GALNTL6: variants seen among roughly 807,000 people sequenced by gnomAD.
GALNTL6 encodes the protein polypeptide N-acetylgalactosaminyltransferase like 6, also known as polypeptide N-acetylgalactosaminyltransferase-like 6.
A neutral mutation model predicts 73.7 loss-of-function variants in GALNTL6; 46 were observed. That is an observed-to-expected ratio of 0.62 (90% CI 0.49 to 0.80). GALNTL6 has a LOEUF of 0.80. GALNTL6 is among the 30% of genes least tolerant of loss of function. The pLI, the probability that GALNTL6 is intolerant of heterozygous loss-of-function variation, is 0.00. For missense variants in GALNTL6, 604 were observed against 755.0 expected, an observed-to-expected ratio of 0.80 and a Z score of 2.34; for synonymous variants, 259 against 263.7, an observed-to-expected ratio of 0.98 and a Z score of 0.17.
At chr4:172,557,185 T>C (rs1253918591) in intron 5 of GALNTL6, among the ~76,000 whole-genome samples, 1 of 152,196 alleles carries the variant, frequency 6.6e-6, no homozygotes, top group Admixed American at 6.5e-5. Context: ...GTTCAAGTTC[T>C]GGTCAAGCAA....
At chr4:172,509,845 CT>C (rs1276446171) in intron 5 of GALNTL6, among the ~76,000 whole-genome samples, 1 of 55,406 alleles carries the variant, frequency 1.8e-5, no homozygotes, top group African/African-American at 4.5e-5. Context: ...TGACTATAGC[CT>C]TGTAGTATAG....
Position 172,809,004 on chromosome 4 carries a change from G to A in GALNTL6, c.554-357G>A, listed in dbSNP as rs148886526. Among the ~76,000 whole-genome samples the A allele has an allele frequency of 1.3e-5, 2 of 152,296 alleles. No individual in the cohort carries two copies. The highest frequency in any genetic ancestry group is 2.9e-5 in the Non-Finnish European group (2 of 68,024). On this transcript the variant is annotated intron_variant, in intron 5 of 12. Transcript: ENST00000506823. This position sits in a 1 kb window ranked among gnomAD's most constrained non-coding sequence, Gnocchi z 4.4. ...GTAGAGAGCTCTTTTGTTGGAAAGAGCCCATTTCCAGGATTTTCATCTGAC... is the reference window on the plus strand; with the variant it reads ...GTAGAGAGCTCTTTTGTTGGAAAGAACCCATTTCCAGGATTTTCATCTGAC...
In GALNTL6 at chr4:172,667,956, T is replaced by C. The variant is rs117479230; in HGVS notation, c.554-141405T>C. ...TTCCCCCGCATTAAATTACAATGACTTCATTTGAAACAGAAATGCCTCAAA... is the reference window on the plus strand; with the variant it reads ...TTCCCCCGCATTAAATTACAATGACCTCATTTGAAACAGAAATGCCTCAAA... On this transcript the variant is annotated intron_variant, in intron 5 of 12. Coordinates refer to ENST00000506823, the MANE Select transcript of GALNTL6 (RefSeq NM_001034845.3). 3 of 152,332 alleles carry C rather than the reference T, an allele frequency of 2.0e-5. No homozygotes were observed. In the East Asian group the frequency reaches 5.8e-4, roughly 29 times the overall value. The allele number at this position is 152,332 out of a possible 1,614,324, so 9.4% of individuals were successfully genotyped here. A position where few individuals can be genotyped will look rare whatever the true frequency, so the allele number is the denominator to read the frequency against.
chr4:172,553,728 T>C (rs1364613076), intron 5 of GALNTL6, among the ~76,000 whole-genome samples: 2 of 152,172 alleles, frequency 1.3e-5, no homozygotes, highest in African/African-American at 4.8e-5. Context: ...AACATATCTC[T>C]TATCTCCTTT....
At chr4:172,109,613 A>T (rs997356819) in intron 2 of GALNTL6, among the ~76,000 whole-genome samples, 3 of 152,232 alleles carry the variant, frequency 2.0e-5, no homozygotes, top group African/African-American at 7.2e-5. Flanking sequence ...CACTAAATAA[A>T]GACAAATGTC....
intron 5 of GALNTL6, among the ~76,000 whole-genome samples, chr4:172,417,062 C>T (rs77876604): frequency 9.2e-5 from 14 of 151,854 alleles, no homozygotes; most frequent in African/African-American, 1.7e-4. Context: ...TATATAAATC[C>T]GACTTTTCTC....
chr4:172,290,737 ATATT>A (rs1346884539), intron 3 of GALNTL6, among the ~76,000 whole-genome samples: 1 of 151,884 alleles, frequency 6.6e-6, no homozygotes, highest in Non-Finnish European at 1.5e-5. Flanking sequence ...ATGATATAAA[ATATT>A]TATCATATCA....
At chr4:172,611,025 AT>A (rs1227474741) in intron 5 of GALNTL6, among the ~76,000 whole-genome samples, 1 of 151,740 alleles carries the variant, frequency 6.6e-6, no homozygotes, top group Non-Finnish European at 1.5e-5. Context: ...TCTGTTTTTC[AT>A]TTGCTTGGTA....
chr4:172,379,250 G>A (rs1039725873), intron 5 of GALNTL6, among the ~76,000 whole-genome samples: 20 of 152,192 alleles, frequency 1.3e-4, no homozygotes, highest in Non-Finnish European at 2.1e-4. Flanking sequence ...AACAGGTTAG[G>A]CCGGGCGCGG....
rs1470042491 is a variant in GALNTL6 at position 171,837,438 on chromosome 4, G to A, written c.138+22720G>A. 2.6e-5 allele frequency among the ~76,000 whole-genome samples: 4 copies of A among 151,810 alleles called. No individual in the cohort carries two copies. In the East Asian group the frequency reaches 7.8e-4, roughly 29 times the overall value. On this transcript the variant is annotated intron_variant, in intron 2 of 12. Transcript: ENST00000506823. ...AGGCTTAGGTGACAGTAATGAATTG[G>A]TGTTAATATCCTGACCTGGATTGCT...
At chr4:171,825,063 C>T (rs1349466630) in intron 2 of GALNTL6, among the ~76,000 whole-genome samples, 2 of 152,136 alleles carry the variant, frequency 1.3e-5, no homozygotes, top group Admixed American at 1.3e-4. Context: ...AATTTCTGAA[C>T]ATGTATTCTG....
At position 172,069,225 on chromosome 4, in the gene GALNTL6, A is replaced by G. The variant is rs1477513863; in HGVS notation, c.139-160431A>G. On this transcript the variant is annotated intron_variant, in intron 2 of 12. Transcript: ENST00000506823. ...ATGTATTGATAACCTAGGTCATTAA[A>G]GATGATTAATGTCTGCCATATTCCA... Among the ~76,000 whole-genome samples, 2 of 108,334 alleles carry G rather than the reference A, an allele frequency of 1.8e-5. 1 individual carries two copies. Among genetic ancestry groups the G allele is most frequent in the African/African-American group, 7.0e-5 (2 of 28,774 alleles). 71.1% of individuals were successfully genotyped at this position (108,334 alleles called of 152,430 possible). A position where few individuals can be genotyped will look rare whatever the true frequency, so the allele number is the denominator to read the frequency against.
At chr4:172,524,499 C>G (rs1021252730) in intron 5 of GALNTL6, among the ~76,000 whole-genome samples, 1 of 152,154 alleles carries the variant, frequency 6.6e-6, no homozygotes, top group African/African-American at 2.4e-5. Flanking sequence ...CTCATTACTG[C>G]ATAGCATTCC....
chr4:172,854,992 C>T (rs981374599), intron 7 of GALNTL6, among the ~76,000 whole-genome samples: 1 of 152,086 alleles, frequency 6.6e-6, no homozygotes, highest in Non-Finnish European at 1.5e-5. Context: ...AAAGATGCCT[C>T]AGTAAATCTA....
intron 5 of GALNTL6, among the ~76,000 whole-genome samples, chr4:172,420,833 C>T: frequency 6.6e-6 from 1 of 151,266 alleles, no homozygotes; most frequent in Admixed American, 6.6e-5. Context: ...ACGATGCAGC[C>T]AAAAAAAAGA....
At chr4:172,980,756 A>G (rs1751028571) in intron 10 of GALNTL6, among the ~76,000 whole-genome samples, 2 of 152,214 alleles carry the variant, frequency 1.3e-5, no homozygotes, top group Admixed American at 1.3e-4. Context: ...GTATCTTCAA[A>G]TACACTTACA....
chr4:172,024,704 G>C (rs916172684), intron 2 of GALNTL6, among the ~76,000 whole-genome samples: 4 of 151,868 alleles, frequency 2.6e-5, no homozygotes. Flanking sequence ...TATTATTTGA[G>C]AGTATCCAGA....
intron 8 of GALNTL6, among the ~76,000 whole-genome samples, chr4:172,892,003 C>T (rs976659243): frequency 2.0e-5 from 3 of 152,102 alleles, no homozygotes; most frequent in African/African-American, 7.2e-5. Context: ...TGTCATTGTT[C>T]AAGTCTTAAA....
chr4:172,553,898 A>C (rs1736052220), intron 5 of GALNTL6, among the ~76,000 whole-genome samples: 1 of 152,080 alleles, frequency 6.6e-6, no homozygotes, highest in Non-Finnish European at 1.5e-5. Context: ...CTCTACAAAA[A>C]AATTAGCCAG....
Sources: gnomAD v4.1 joint callset for allele counts (sites outside exome capture counted in the v4.1 genomes callset) on GRCh38, gnomAD v4.1.1 for gene constraint, Gnocchi (gnomAD v3.1) non-coding constraint, MANE v1.5 for transcripts, NCBI Gene and HGNC (gene_info 2026-07-23, HGNC 2026-07-21) for gene names.